JADE2: variants seen among roughly 807,000 people sequenced by gnomAD.
The protein encoded by JADE2 is E3 ubiquitin-protein ligase Jade-2.
In JADE2, 13 loss-of-function variants were observed where a neutral mutation model predicts 85.7. The observed-to-expected ratio is 0.15, with a 90% CI of 0.10 to 0.24. The LOEUF (loss-of-function observed/expected upper bound fraction) is 0.24. Among genes scored for constraint, JADE2 ranks in the 10% least tolerant of loss-of-function variants. The pLI is 1.00. For missense variants in JADE2, 846 were observed against 1,115.9 expected, an observed-to-expected ratio of 0.76 and a Z score of 3.45; for synonymous variants, 440 against 456.1, an observed-to-expected ratio of 0.96 and a Z score of 0.45.
chr5:134,530,565 G>T (rs1761168995), intron 1 of JADE2, among the ~76,000 whole-genome samples: 1 of 152,232 alleles, frequency 6.6e-6, no homozygotes, highest in Non-Finnish European at 1.5e-5. Flanking sequence ...GGGCGTTAAT[G>T]GAGGCCCAGG....
intron 4 of JADE2, among the ~76,000 whole-genome samples, chr5:134,554,132 T>G (rs1449634682): frequency 2.6e-5 from 4 of 152,122 alleles, no homozygotes; most frequent in Admixed American, 2.0e-4. Flanking sequence ...GTTGGCACCC[T>G]CATTTCGTGG....
rs1021342382 is a variant in JADE2, at chr5:134,574,275, T to C, written c.1552+513T>C. 7 of 191,708 alleles carry C rather than the reference T, an allele frequency of 3.7e-5. No homozygotes were observed. The South Asian group carries it at 5.9e-4, about 16-fold the overall frequency. The allele number at this position is 191,708 out of a possible 1,614,324, so 11.9% of individuals were successfully genotyped here. A position where few individuals can be genotyped will look rare whatever the true frequency, so the allele number is the denominator to read the frequency against. On this transcript the variant is annotated intron_variant, in intron 10 of 11. Transcript: ENST00000681547. ...GGTGTTTTTCACTGTTTCATTCTTATTATTCTTATTCTCTTGGCGTCACAT... is the reference window on the plus strand; with the variant it reads ...GGTGTTTTTCACTGTTTCATTCTTACTATTCTTATTCTCTTGGCGTCACAT...
Position 134,562,437 on chromosome 5 carries a change from G to A in JADE2, c.852+70G>A. The A allele has an allele frequency of 6.9e-7, 1 of 1,442,058 alleles. No homozygotes were observed. The highest frequency in any genetic ancestry group is 9.5e-7 in the Non-Finnish European group (1 of 1,052,960). 89.3% of individuals were successfully genotyped at this position (1,442,058 alleles called of 1,614,324 possible). ...GGAAGTGGGTCTGCATGGGACTCAG[G>A]TAGCAGAGCACTGGGAAAAGAAGGT... is the stretch of plus-strand genomic sequence containing the variant. On this transcript the variant is annotated intron_variant, in intron 7 of 11. Coordinates refer to ENST00000681547, the MANE Select transcript of JADE2 (RefSeq NM_001388185.1). This position sits in a 1 kb window ranked among gnomAD's most constrained non-coding sequence, Gnocchi z 4.6.
At position 134,579,050 on chromosome 5, in the gene JADE2, T is replaced by G. The variant is rs1764563286; in HGVS notation, c.2238T>G (p.Pro746=). 1 of 1,613,930 alleles carries G rather than the reference T, an allele frequency of 6.2e-7. No individual in the cohort carries two copies. Among genetic ancestry groups the G allele is most frequent in the Admixed American group, 1.7e-5 (1 of 60,014 alleles). The change falls in exon 12 of 12, where the codon CCT becomes CCG. Residue 746 remains proline (P), a synonymous_variant. Coordinates refer to ENST00000681547, the MANE Select transcript of JADE2 (RefSeq NM_001388185.1). The surrounding 1 kb of genome is among the most constrained non-coding windows in gnomAD (Gnocchi z 4.6). ...DVQVPGPAAS[P]KPLGRLRPPR... is the part of the protein sequence containing the mutation. Reference sequence around the variant, plus strand: ...AAGTGCCTGGCCCTGCAGCAAGCCCTAAGCCTTTGGGCCGGCTCCGGCCAC... The same window carrying G: ...AAGTGCCTGGCCCTGCAGCAAGCCCGAAGCCTTTGGGCCGGCTCCGGCCAC...
chr5:134,530,796 G>A (rs1761183813), intron 1 of JADE2, among the ~76,000 whole-genome samples: 1 of 152,104 alleles, frequency 6.6e-6, no homozygotes, highest in Non-Finnish European at 1.5e-5. Context: ...GTTAAGACGG[G>A]GAAGGCAGGC....
At chr5:134,533,570 C>G in intron 1 of JADE2, 1 of 985,256 alleles carries the variant, frequency 1.0e-6, no homozygotes, top group Non-Finnish European at 1.2e-6. Context: ...AATTCGCTTA[C>G]AGGATTGCAA....
At chr5:134,545,410 GT>G (rs60025872) in intron 3 of JADE2, among the ~76,000 whole-genome samples, 109 of 146,740 alleles carry the variant, frequency 7.4e-4, no homozygotes, top group Admixed American at 7.5e-4. Context: ...GTTGAGTGGG[GT>G]TTTTTTTTTT....
chr5:134,535,549 T>C (rs1761531508), intron 1 of JADE2, among the ~76,000 whole-genome samples: 1 of 152,104 alleles, frequency 6.6e-6, no homozygotes, highest in Non-Finnish European at 1.5e-5. Flanking sequence ...GGGCAGGTCA[T>C]GGTCACTATT....
chr5:134,549,633 G>A (rs1372452936), intron 3 of JADE2, among the ~76,000 whole-genome samples: 1 of 152,008 alleles, frequency 6.6e-6, no homozygotes, highest in Admixed American at 6.5e-5. Flanking sequence ...CTCCAGCCTG[G>A]GCAACAGAGC....
In JADE2 at chr5:134,573,677, C is replaced by T. The variant is rs754832818; in HGVS notation, c.1467C>T (p.Arg489=). The change falls in exon 10 of 12, where the codon CGC becomes CGT. Residue 489 remains arginine (R), a synonymous_variant. Coordinates refer to ENST00000681547, the MANE Select transcript of JADE2 (RefSeq NM_001388185.1). ...VRNLCYMVTR[R]ERTKHAICKL... ...ATCTGTGCTACATGGTGACAAGGCG[C>T]GAGAGAACGAAACACGCCATCTGCA... The T allele has an allele frequency of 2.9e-5, 47 of 1,613,516 alleles. No homozygotes were observed. Among genetic ancestry groups the T allele is most frequent in the Admixed American group, 8.3e-5 (5 of 60,006 alleles).
At chr5:134,527,880 C>G (rs1760967322) in intron 1 of JADE2, among the ~76,000 whole-genome samples, 4 of 152,296 alleles carry the variant, frequency 2.6e-5, no homozygotes, top group Admixed American at 2.6e-4. Flanking sequence ...ACACTGCGGC[C>G]GGCGATTCTG....
chr5:134,570,713 C>G (rs545826126), intron 9 of JADE2, among the ~76,000 whole-genome samples: 2 of 152,118 alleles, frequency 1.3e-5, no homozygotes, highest in Non-Finnish European at 2.9e-5. Context: ...CTGACCAGGT[C>G]CCCCCTGAGG....
At chr5:134,524,908 C>G (rs1318385175), upstream of JADE2, among the ~76,000 whole-genome samples, 1 of 152,210 alleles carries the variant, frequency 6.6e-6, no homozygotes, top group African/African-American at 2.4e-5. Context: ...CTGCTCACTT[C>G]TGGTGCTGCA....
At chr5:134,571,071 G>T (rs1355248153) in intron 9 of JADE2, among the ~76,000 whole-genome samples, 2 of 152,236 alleles carry the variant, frequency 1.3e-5, no homozygotes, top group East Asian at 1.9e-4. Context: ...CTCTGCGGGG[G>T]AGTCTCTCCG....
intron 3 of JADE2, among the ~76,000 whole-genome samples, chr5:134,544,727 C>A (rs1219311643): frequency 6.6e-6 from 1 of 152,134 alleles, no homozygotes; most frequent in Admixed American, 6.5e-5. Context: ...GGGGAAGGGG[C>A]CTGAGAGAAG....
At chr5:134,573,940 G>A (rs1344999794) in intron 10 of JADE2, 178 bp downstream of exon 10, 1 of 685,964 alleles carries the variant, frequency 1.5e-6, no homozygotes, top group Non-Finnish European at 2.6e-6. Context: ...GGCCTGCAAG[G>A]GTCCTGAGTT....
chr5:134,561,036 A>G (rs1376366203), intron 6 of JADE2, 79 bp downstream of exon 6: 2 of 1,262,754 alleles, frequency 1.6e-6, no homozygotes, highest in Non-Finnish European at 1.1e-6. Context: ...TTGGCTCTCC[A>G]GGGGCACTGT....
intron 3 of JADE2, among the ~76,000 whole-genome samples, chr5:134,549,703 G>T (rs1329620702): frequency 2.0e-5 from 3 of 152,110 alleles, no homozygotes; most frequent in African/African-American, 7.2e-5. Context: ...AACAGCAAAA[G>T]GTTTCTAACC....
At position 134,581,502 on chromosome 5, in the gene JADE2, C is replaced by T. The variant is rs1764709293; in HGVS notation, c.*2185C>T. 2 of 152,556 alleles carry T rather than the reference C, an allele frequency of 1.3e-5. No individual in the cohort carries two copies. The highest frequency in any genetic ancestry group is 2.9e-5 in the Non-Finnish European group (2 of 68,236). 9.5% of individuals were successfully genotyped at this position (152,556 alleles called of 1,614,324 possible). On this transcript the variant is annotated 3_prime_UTR_variant, in exon 12 of 12. Transcript: ENST00000681547. Reference sequence around the variant, plus strand: ...GGGTCCAGCAGTCTCAGCACTTGGCCCCTTGCCCCTTCACACCATCCTGGG... The same window carrying T: ...GGGTCCAGCAGTCTCAGCACTTGGCTCCTTGCCCCTTCACACCATCCTGGG...
Sources: allele counts gnomAD v4.1 joint callset (sites outside exome capture counted in the v4.1 genomes callset), GRCh38; gene constraint gnomAD v4.1.1; non-coding constraint Gnocchi (gnomAD v3.1); transcripts MANE v1.5; gene names NCBI Gene and HGNC (gene_info 2026-07-23, HGNC 2026-07-21).